The following SAMD3 variants were observed in gnomAD, a reference collection of about 807,000 sequenced individuals.
SAMD3 encodes sterile alpha motif domain-containing protein 3.
In SAMD3, 63 loss-of-function variants were observed where a neutral mutation model predicts 58.5. The ratio of observed to expected loss-of-function variants is 1.08; its 90% confidence interval spans 0.88 to 1.33. SAMD3 has a LOEUF of 1.33. Ranked by LOEUF, SAMD3 falls within the 40% of genes most tolerant of loss-of-function variation. The pLI, the probability that SAMD3 is intolerant of heterozygous loss-of-function variation, is 0.00. For synonymous variants in SAMD3, 220 were observed against 210.3 expected, an observed-to-expected ratio of 1.05 and a Z score of -0.40; for missense variants, 604 against 608.4, an observed-to-expected ratio of 0.99 and a Z score of 0.08.
chr6:130,224,596 TTATTATTA>T (rs1416192060), upstream of SAMD3, among the ~76,000 whole-genome samples: 106 of 51,870 alleles, frequency 2.0e-3, no homozygotes, highest in African/African-American at 0.016. Context: ...TATTTATTTA[TTATTATTA>T]TTATTATTAT....
At chr6:130,165,412 CAAAA>C (rs977468731) in intron 8 of SAMD3, among the ~76,000 whole-genome samples, 1 of 151,766 alleles carries the variant, frequency 6.6e-6, no homozygotes, top group African/African-American at 2.4e-5. Context: ...AACAAACAAA[CAAAA>C]AAACACAGAG....
chr6:130,282,094 T>A (rs2114951556), intron 2 of SAMD3, among the ~76,000 whole-genome samples: 1 of 152,174 alleles, frequency 6.6e-6, no homozygotes, highest in East Asian at 1.9e-4. Flanking sequence ...GCTGAGGCCT[T>A]GCTTTACTTA....
intron 2 of SAMD3, among the ~76,000 whole-genome samples, chr6:130,302,580 T>A (rs1210285249): frequency 6.6e-6 from 1 of 152,200 alleles, no homozygotes; most frequent in African/African-American, 2.4e-5. Context: ...CTGCTGAGTA[T>A]CTGTCCAAAG....
intron 1 of SAMD3, among the ~76,000 whole-genome samples, chr6:130,344,116 T>A (rs1475744338): frequency 6.6e-6 from 1 of 152,210 alleles, no homozygotes; most frequent in East Asian, 1.9e-4. Context: ...TACCAACTTA[T>A]TTATTTTATT....
rs552323463 is a variant in SAMD3, at chr6:130,326,810, T to C, written c.-303-13717A>G. On this transcript the variant is annotated intron_variant, in intron 1 of 13. Coordinates refer to the SAMD3 transcript ENST00000368134. The stretch of plus-strand genomic sequence containing the variant: ...GGTACTAGTCCCATAGAGGATAATG[T>C]GAACGTCTACTCCACCACTCCAGTT... Among the ~76,000 whole-genome samples the C allele has an allele frequency of 1.3e-5, 2 of 152,220 alleles. 1 individual carries two copies. Among genetic ancestry groups the C allele is most frequent in the South Asian group, 4.1e-4 (2 of 4,834 alleles).
At chr6:130,275,217 C>T (rs1350023991) in intron 2 of SAMD3, among the ~76,000 whole-genome samples, 2 of 152,068 alleles carry the variant, frequency 1.3e-5, no homozygotes, top group Non-Finnish European at 2.9e-5. Flanking sequence ...CAGAAGTTAT[C>T]TTGATACCAG....
At chr6:130,220,940 G>A (rs977761429) in intron 1 of SAMD3, among the ~76,000 whole-genome samples, 3 of 151,780 alleles carry the variant, frequency 2.0e-5, no homozygotes, top group African/African-American at 4.8e-5. Flanking sequence ...TGCAAGCTCC[G>A]CCTCCCGGGT....
At chr6:130,190,501 T>G (rs1009504419) in intron 5 of SAMD3, among the ~76,000 whole-genome samples, 7 of 152,042 alleles carry the variant, frequency 4.6e-5, no homozygotes, top group Admixed American at 2.0e-4. Context: ...AAATAGAAAT[T>G]GTTTAAAAGA....
chr6:130,295,450 G>A lies in SAMD3; in HGVS notation c.-188+17528C>T, dbSNP rs558723535. On this transcript the variant is annotated intron_variant, in intron 2 of 13. Transcript: ENST00000368134. ...AAATTGCATCCTAAATTTCTCTTGC[G>A]GTCATAGGATTGTAGTCAGTAGCAT... 1.8e-4 allele frequency among the ~76,000 whole-genome samples: 28 copies of A among 152,164 alleles called. No homozygotes were observed. The East Asian group carries it at 2.1e-3, about 12-fold the overall frequency.
chr6:130,237,223 C>T (rs1375888348), intron 2 of SAMD3, among the ~76,000 whole-genome samples: 1 of 152,078 alleles, frequency 6.6e-6, no homozygotes, highest in African/African-American at 2.4e-5. Flanking sequence ...TGAGGCGCTA[C>T]TATTCTGTTT....
intron 2 of SAMD3, among the ~76,000 whole-genome samples, chr6:130,243,147 C>T (rs757417570): frequency 9.9e-5 from 15 of 152,202 alleles, no homozygotes; most frequent in Non-Finnish European, 8.8e-5. Context: ...CATGACCCAA[C>T]GGGGACAAGT....
At chr6:130,202,092 A>G (rs1794697871) in intron 5 of SAMD3, among the ~76,000 whole-genome samples, 1 of 152,242 alleles carries the variant, frequency 6.6e-6, no homozygotes, top group Non-Finnish European at 1.5e-5. Context: ...CAGATTAGAA[A>G]TCAAGATTAC....
chr6:130,206,301 C>T (rs1214711244), intron 5 of SAMD3, among the ~76,000 whole-genome samples: 3 of 152,070 alleles, frequency 2.0e-5, no homozygotes, highest in Admixed American at 6.5e-5. Flanking sequence ...GCAAGGCAGT[C>T]GTATGCCAGG....
At chr6:130,356,993 T>C (rs976516963) in intron 1 of SAMD3, among the ~76,000 whole-genome samples, 6 of 152,192 alleles carry the variant, frequency 3.9e-5, no homozygotes, top group African/African-American at 1.4e-4. Flanking sequence ...CTTTTACCTT[T>C]GTATCTACTG....
intron 2 of SAMD3, among the ~76,000 whole-genome samples, chr6:130,283,791 T>TG (rs1775067108): frequency 6.6e-6 from 1 of 152,116 alleles, no homozygotes. Flanking sequence ...CTTCAAGTAA[T>TG]GATGGTAAGC....
At chr6:130,346,823 A>AC (rs1046050347) in intron 1 of SAMD3, among the ~76,000 whole-genome samples, 4 of 151,862 alleles carry the variant, frequency 2.6e-5, no homozygotes, top group Admixed American at 2.6e-4. Flanking sequence ...ACTGGGAGGC[A>AC]CCCCCCCAGT....
chr6:130,331,499 G>C (rs1776932413), intron 1 of SAMD3, among the ~76,000 whole-genome samples: 1 of 152,104 alleles, frequency 6.6e-6, no homozygotes, highest in Non-Finnish European at 1.5e-5. Context: ...GAGGAGGGCA[G>C]ATCACAAGGT....
intron 2 of SAMD3, among the ~76,000 whole-genome samples, chr6:130,296,224 T>C (rs1775565477): frequency 6.6e-6 from 1 of 152,182 alleles, no homozygotes; most frequent in African/African-American, 2.4e-5. Context: ...AAGATCAAAG[T>C]TACTGGTGAA....
chr6:130,177,234 A>T (rs757867726), intron 7 of SAMD3, among the ~76,000 whole-genome samples: 9 of 152,030 alleles, frequency 5.9e-5, no homozygotes, highest in Non-Finnish European at 1.0e-4. Context: ...TGTTCGGGAG[A>T]TTGGAATGGA....
Sources: allele counts gnomAD v4.1 joint callset (sites outside exome capture counted in the v4.1 genomes callset), GRCh38; gene constraint gnomAD v4.1.1; transcripts MANE v1.5; gene names NCBI Gene and HGNC (gene_info 2026-07-23, HGNC 2026-07-21).